The following RREB1 variants were observed in gnomAD, a reference collection of about 807,000 sequenced individuals.
The protein encoded by RREB1 is ras responsive element binding protein 1.
In RREB1, 27 loss-of-function variants were observed where a neutral mutation model predicts 117.8. The observed-to-expected ratio is 0.23, with a 90% CI of 0.17 to 0.32. RREB1 has a LOEUF of 0.32. RREB1 is among the 10% of genes least tolerant of loss of function. The pLI is 1.00. For missense variants in RREB1, 2,577 were observed against 2,378.2 expected (o/e 1.08, Z -1.74); for synonymous variants, 1,298 against 1,026.7 (o/e 1.26, Z -5.05).
intron 11 of RREB1, among the ~76,000 whole-genome samples, chr6:7,242,669 T>C (rs1389813795): frequency 7.6e-6 from 1 of 131,236 alleles, no homozygotes; most frequent in African/African-American, 3.0e-5. Flanking sequence ...GTTTAAAAAG[T>C]GAGGCTTTGA....
intron 1 of RREB1, among the ~76,000 whole-genome samples, chr6:7,148,426 C>T (rs1762966831): frequency 6.6e-6 from 1 of 152,020 alleles, no homozygotes; most frequent in African/African-American, 2.4e-5. Context: ...GACAGAGGAG[C>T]CCTCTGTGTT....
rs1399273333 is a variant in RREB1 at position 7,248,491 on chromosome 6, T to A, written c.4772-20T>A. The A allele has an allele frequency of 1.9e-6, 3 of 1,607,704 alleles. No individual in the cohort carries two copies. The highest frequency in any genetic ancestry group is 3.3e-4 in the Middle Eastern group (2 of 6,044). On this transcript the variant is annotated intron_variant, in intron 12 of 12. Coordinates refer to ENST00000379938, the MANE Select transcript of RREB1 (RefSeq NM_001003699.4). ...CTGGTGCCTTTTGGTTAATGGAAAT[T>A]CTTTCTTCCATTGTTCCAGGGGAAA...
rs1261605763 is a variant in RREB1 at position 7,246,621 on chromosome 6, G to A, written c.4171G>A (p.Glu1391Lys). Reference protein sequence around the residue: ...EHGRGESHEPEEEHGTEESTG... With the variant: ...EHGRGESHEPKEEHGTEESTG... ...CGGGCGTGGGGAGAGCCATGAGCCG[G>A]AGGAGGAGCATGGCACTGAGGAGAG... Residue 1391 changes from glutamate (E) to lysine (K), a missense_variant, in exon 12 of 13, where the codon GAG (glutamate) becomes AAG (lysine). Glu to Lys is a moderately conservative substitution (Grantham distance 56). Transcript: ENST00000379938. The A allele has an allele frequency of 6.4e-7, 1 of 1,566,884 alleles. No homozygotes were observed. Among genetic ancestry groups the A allele is most frequent in the Non-Finnish European group, 8.6e-7 (1 of 1,156,100 alleles).
intron 1 of RREB1, among the ~76,000 whole-genome samples, chr6:7,131,876 T>C (rs1561734408): frequency 2.6e-5 from 4 of 151,986 alleles, no homozygotes; most frequent in Non-Finnish European, 2.9e-5. Context: ...TTTTTTTTTT[T>C]GGAGACAGAG....
intron 8 of RREB1, among the ~76,000 whole-genome samples, chr6:7,221,720 A>T (rs1362530041): frequency 1.3e-5 from 2 of 152,222 alleles, no homozygotes; most frequent in African/African-American, 4.8e-5. Flanking sequence ...TGAAGGGAGC[A>T]GGTGGGATGA....
At chr6:7,155,351 G>C (rs1291834673) in intron 1 of RREB1, among the ~76,000 whole-genome samples, 2 of 152,240 alleles carry the variant, frequency 1.3e-5, no homozygotes, top group Non-Finnish European at 2.9e-5. Flanking sequence ...CTGTTGCCCA[G>C]GCTGGAGTGC....
At chr6:7,126,286 C>T (rs1315064535) in intron 1 of RREB1, among the ~76,000 whole-genome samples, 1 of 151,818 alleles carries the variant, frequency 6.6e-6, no homozygotes, top group Non-Finnish European at 1.5e-5. Context: ...AGGCGTGAGC[C>T]ACTGCGCCCG....
chr6:7,182,628 C>A (rs575777427), intron 4 of RREB1, among the ~76,000 whole-genome samples: 3 of 152,144 alleles, frequency 2.0e-5, no homozygotes, highest in African/African-American at 7.2e-5. Flanking sequence ...AATGCTGTTA[C>A]AAAAGTTGAT....
Position 7,162,017 on chromosome 6 carries a change from A to G in RREB1, c.-284-14638A>G, listed in dbSNP as rs557407314. Among the ~76,000 whole-genome samples the G allele has an allele frequency of 3.9e-5, 6 of 152,234 alleles. No homozygotes were observed. The East Asian group carries it at 1.2e-3, about 29-fold the overall frequency. On this transcript the variant is annotated intron_variant, in intron 1 of 12. Coordinates refer to ENST00000379938, the MANE Select transcript of RREB1 (RefSeq NM_001003699.4). ...CAACAGGATAAAGTTCATGGCTCTT[A>G]GATGGAACCTTGAGCCCAGCATCAT... is the stretch of plus-strand genomic sequence containing the variant.
Position 7,249,101 on chromosome 6 carries a change from G to GACAGACAGACAGAC in RREB1, c.*134_*135insCAGACAGACAGACA, listed in dbSNP as rs934916289. On this transcript the variant is annotated 3_prime_UTR_variant, in exon 13 of 13. Transcript: ENST00000379938. Reference sequence around the variant, plus strand: ...AGAGAGAGAGAGAGAGAGAGAGAGAGAGACAAGCAGGAGCGTGGCTGCTCG... The same window carrying GACAGACAGACAGAC: ...AGAGAGAGAGAGAGAGAGAGAGAGAGACAGACAGACAGACAGACAAGCAGGAGCGTGGCTGCTCG... The GACAGACAGACAGAC allele has an allele frequency of 5.1e-6, 3 of 591,944 alleles. No individual in the cohort carries two copies. Among genetic ancestry groups the GACAGACAGACAGAC allele is most frequent in the African/African-American group, 4.1e-5 (2 of 48,630 alleles). 36.7% of individuals were successfully genotyped at this position (591,944 alleles called of 1,614,324 possible).
chr6:7,133,168 C>T (rs892993698), intron 1 of RREB1, among the ~76,000 whole-genome samples: 19 of 152,134 alleles, frequency 1.2e-4, no homozygotes, highest in African/African-American at 4.1e-4. Flanking sequence ...CCTTATACCT[C>T]CTTAGCTTAC....
intron 8 of RREB1, among the ~76,000 whole-genome samples, chr6:7,219,436 G>C (rs1034986219): frequency 6.6e-6 from 1 of 152,160 alleles, no homozygotes; most frequent in Non-Finnish European, 1.5e-5. Flanking sequence ...TGTTGGAGCT[G>C]GTTGGTCCCA....
intron 4 of RREB1, among the ~76,000 whole-genome samples, chr6:7,184,140 G>A (rs1764945870): frequency 6.6e-6 from 1 of 151,920 alleles, no homozygotes; most frequent in Non-Finnish European, 1.5e-5. Flanking sequence ...CTTGAGCCCA[G>A]GGGTTCAAGG....
chr6:7,230,797 C>G lies in RREB1; in HGVS notation c.2698C>G (p.Leu900Val). 6.2e-7 allele frequency: 1 copy of G among 1,614,166 alleles called. No individual in the cohort carries two copies. Among genetic ancestry groups the G allele is most frequent in the Non-Finnish European group, 8.5e-7 (1 of 1,179,996 alleles). ...SSFAVDFNEP[L>V]DFSQKGLALV... ...CTTTGCGGTGGACTTCAATGAGCCC[C>G]TGGACTTCTCGCAGAAGGGCCTGGC... is the stretch of plus-strand genomic sequence containing the variant. Residue 900 changes from leucine to valine, a missense_variant, in exon 10 of 13, where the codon CTG becomes GTG. Coordinates refer to ENST00000379938, the MANE Select transcript of RREB1 (RefSeq NM_001003699.4).
rs1243765648 is a variant in RREB1 at position 7,249,624 on chromosome 6, G to C, written c.*656G>C. The C allele has an allele frequency of 6.6e-6, 1 of 152,150 alleles. No homozygotes were observed. The highest frequency in any genetic ancestry group is 1.5e-5 in the Non-Finnish European group (1 of 68,036). The allele number at this position is 152,150 out of a possible 1,614,324, so 9.4% of individuals were successfully genotyped here. On this transcript the variant is annotated 3_prime_UTR_variant, in exon 13 of 13. Transcript: ENST00000379938. ...AAAACCAGGGAAGATTCTAGCTTCA[G>C]CCTCATGTCCATTTCCAGTCTGTCA...
At chr6:7,132,811 T>TCAA (rs1335558392) in intron 1 of RREB1, among the ~76,000 whole-genome samples, 1 of 116,782 alleles carries the variant, frequency 8.6e-6, no homozygotes, top group Non-Finnish European at 2.1e-5. Context: ...GTATACAATG[T>TCAA]CAACATTCAG....
chr6:7,180,171 C>T (rs1764717893), intron 2 of RREB1, among the ~76,000 whole-genome samples: 1 of 152,178 alleles, frequency 6.6e-6, no homozygotes, highest in Non-Finnish European at 1.5e-5. Context: ...TTCACATCTT[C>T]AAAATGTCTA....
intron 1 of RREB1, among the ~76,000 whole-genome samples, chr6:7,175,000 A>G (rs1261111302): frequency 2.0e-5 from 3 of 151,994 alleles, no homozygotes; most frequent in Non-Finnish European, 4.4e-5. Flanking sequence ...GGTTCATGCT[A>G]TTTATTTGGA....
intron 1 of RREB1, among the ~76,000 whole-genome samples, chr6:7,114,404 A>G (rs1039321393): frequency 2.0e-5 from 3 of 148,048 alleles, no homozygotes; most frequent in Non-Finnish European, 4.5e-5. Flanking sequence ...GTGGTTCTCA[A>G]CCTGGTGGGT....
Sources: gnomAD v4.1 joint callset for allele counts (sites outside exome capture counted in the v4.1 genomes callset) on GRCh38, gnomAD v4.1.1 for gene constraint, MANE v1.5 for transcripts, NCBI Gene and HGNC (gene_info 2026-07-23, HGNC 2026-07-21) for gene names.